The following IL1RAPL2 variants were observed in gnomAD, a reference collection of about 807,000 sequenced individuals.
IL1RAPL2 encodes interleukin 1 receptor accessory protein like 2, also known as X-linked interleukin-1 receptor accessory protein-like 2.
A neutral mutation model predicts 44.1 loss-of-function variants in IL1RAPL2; 3 were observed. That is an observed-to-expected ratio of 0.07 (90% CI 0.03 to 0.18). The LOEUF is 0.18. Ranked by LOEUF, IL1RAPL2 falls within the 10% of genes least tolerant of loss-of-function variation. IL1RAPL2 has a pLI of 1.00. For synonymous variants in IL1RAPL2, 181 were observed against 178.8 expected (o/e 1.01, Z -0.10); for missense variants, 391 against 496.4 (o/e 0.79, Z 2.02).
intron 6 of IL1RAPL2, among the ~76,000 whole-genome samples, chrX:105,505,646 A>T (rs1016903869): frequency 6.3e-5 from 7 of 111,551 alleles, no homozygotes; most frequent in African/African-American, 2.3e-4. Context: ...GAAGATGGAG[A>T]TAGGAGTGGT....
rs752508672 is a variant in IL1RAPL2, at chrX:104,903,700, C to A, written c.82+244705C>A. On this transcript the variant is annotated intron_variant, in intron 2 of 10. Transcript: ENST00000372582. ...TCAAGTGATTCTCCTGCCTCAGCCT[C>A]CCGAGTAGCTGGGACTACAGGCACG... 6.3e-5 allele frequency among the ~76,000 whole-genome samples: 7 copies of A among 110,877 alleles called. No homozygotes were observed. In the East Asian group the frequency reaches 2.0e-3, roughly 31 times the overall value.
intron 4 of IL1RAPL2, among the ~76,000 whole-genome samples, chrX:105,240,361 A>C (rs1291769046): frequency 8.9e-6 from 1 of 112,538 alleles, no homozygotes; most frequent in East Asian, 2.8e-4. Context: ...TATCTATACA[A>C]TTTTGGTATT....
chrX:105,362,497 G>T (rs1055867738), intron 5 of IL1RAPL2, among the ~76,000 whole-genome samples: 1 of 110,678 alleles, frequency 9.0e-6, no homozygotes, highest in Non-Finnish European at 1.9e-5. Context: ...GCCTGAGGGG[G>T]TAGGAAGTTT....
chrX:105,036,719 A>G lies in IL1RAPL2; in HGVS notation c.83-158756A>G, dbSNP rs2031635888. ...AACCCACATGTTCAAGAATTCCCCAAATTTCACGAACGTTACAAACTATAA... is the reference window on the plus strand; with the variant it reads ...AACCCACATGTTCAAGAATTCCCCAGATTTCACGAACGTTACAAACTATAA... On this transcript the variant is annotated intron_variant, in intron 2 of 10. Transcript: ENST00000372582. 2.7e-5 allele frequency among the ~76,000 whole-genome samples: 3 copies of G among 111,800 alleles called. No individual in the cohort carries two copies. In the Admixed American group the frequency reaches 2.9e-4, roughly 11 times the overall value.
At position 105,002,378 on chromosome X, in the gene IL1RAPL2, T is replaced by C. The variant is rs1226850629; in HGVS notation, c.83-193097T>C. On this transcript the variant is annotated intron_variant, in intron 2 of 10. Transcript: ENST00000372582. Reference sequence around the variant, plus strand: ...ATACATATGATGCCTTGAAAGCCCATCCATTTCATAATTTTGGTTTTTGAA... The same window carrying C: ...ATACATATGATGCCTTGAAAGCCCACCCATTTCATAATTTTGGTTTTTGAA... 7.2e-5 allele frequency among the ~76,000 whole-genome samples: 8 copies of C among 111,107 alleles called. 1 individual carries two copies. In the South Asian group the frequency reaches 1.5e-3, roughly 21 times the overall value.
intron 2 of IL1RAPL2, among the ~76,000 whole-genome samples, chrX:104,890,647 C>T (rs1413143635): frequency 1.8e-5 from 2 of 111,648 alleles, no homozygotes; most frequent in African/African-American, 6.5e-5. Flanking sequence ...ATGGGATTGT[C>T]TGTTTTTTTC....
At chrX:104,974,963 C>T (rs1186531293) in intron 2 of IL1RAPL2, among the ~76,000 whole-genome samples, 2 of 112,180 alleles carry the variant, frequency 1.8e-5, no homozygotes, top group Admixed American at 9.4e-5. Flanking sequence ...GCATTCCAGC[C>T]GCTGATCTTG....
At chrX:104,943,616 C>T (rs139814621) in intron 2 of IL1RAPL2, among the ~76,000 whole-genome samples, 1 of 111,173 alleles carries the variant, frequency 9.0e-6, no homozygotes, top group East Asian at 2.9e-4. Flanking sequence ...ATATGATTGC[C>T]CCCACCTCCT....
intron 6 of IL1RAPL2, among the ~76,000 whole-genome samples, chrX:105,681,889 T>C (rs1445011932): frequency 8.9e-6 from 1 of 112,103 alleles, no homozygotes; most frequent in Non-Finnish European, 1.9e-5. Flanking sequence ...GAGACAGTCA[T>C]CCTTTTTTAA....
chrX:105,036,329 A>T (rs770539519), intron 2 of IL1RAPL2, among the ~76,000 whole-genome samples: 10 of 111,803 alleles, frequency 8.9e-5, no homozygotes, highest in Non-Finnish European at 1.5e-4. Flanking sequence ...AATCAAGATC[A>T]TACAGCTAGT....
intron 2 of IL1RAPL2, among the ~76,000 whole-genome samples, chrX:105,182,567 A>AT (rs61583381): frequency 1.8e-5 from 2 of 109,498 alleles, no homozygotes; most frequent in Non-Finnish European, 3.8e-5. Flanking sequence ...TGGGTCATGT[A>AT]TTTTTTTTAT....
intron 2 of IL1RAPL2, among the ~76,000 whole-genome samples, chrX:104,830,017 C>T (rs1289951594): frequency 1.8e-5 from 2 of 111,730 alleles, no homozygotes; most frequent in African/African-American, 6.5e-5. Context: ...TCTGGTCTTC[C>T]TTATTCTAGC....
chrX:104,576,658 T>C lies in IL1RAPL2; in HGVS notation c.-20+9607T>C, dbSNP rs781647805. On this transcript the variant is annotated intron_variant, in intron 1 of 10. Transcript: ENST00000372582. ...TCTAAAATGTACAATTATTTCCCAA[T>C]TGAACCTAATAACTGCTTTATAATA... Among the ~76,000 whole-genome samples the C allele has an allele frequency of 8.0e-5, 9 of 112,205 alleles. No individual in the cohort carries two copies. The South Asian group carries it at 2.6e-3, about 32-fold the overall frequency.
chrX:105,232,912 C>T (rs1026699905), intron 3 of IL1RAPL2, among the ~76,000 whole-genome samples: 1 of 111,751 alleles, frequency 8.9e-6, no homozygotes, highest in African/African-American at 3.3e-5. Flanking sequence ...CAATTAATCC[C>T]AACTGACCAG....
At chrX:104,732,967 G>C (rs1931949244) in intron 2 of IL1RAPL2, among the ~76,000 whole-genome samples, 1 of 111,247 alleles carries the variant, frequency 9.0e-6, no homozygotes, top group East Asian at 2.8e-4. Flanking sequence ...TTTAAGAATG[G>C]TTTAACTTTT....
chrX:105,441,021 T>C (rs910390935), intron 5 of IL1RAPL2, among the ~76,000 whole-genome samples: 2 of 112,093 alleles, frequency 1.8e-5, no homozygotes, highest in Non-Finnish European at 3.8e-5. Context: ...ATTAAACCTC[T>C]TTTTCTTTAG....
At chrX:105,457,340 A>G (rs2036063260) in intron 5 of IL1RAPL2, among the ~76,000 whole-genome samples, 1 of 111,128 alleles carries the variant, frequency 9.0e-6, no homozygotes, top group South Asian at 3.7e-4. Flanking sequence ...CATCACTGCT[A>G]TCTATACCAC....
intron 6 of IL1RAPL2, among the ~76,000 whole-genome samples, chrX:105,659,299 C>G (rs1328370291): frequency 1.8e-5 from 2 of 110,714 alleles, no homozygotes; most frequent in African/African-American, 6.6e-5. Context: ...TTTTTGAATC[C>G]AAGATAACAC....
At chrX:104,730,194 C>T (rs924006983) in intron 2 of IL1RAPL2, among the ~76,000 whole-genome samples, 5 of 111,118 alleles carry the variant, frequency 4.5e-5, no homozygotes, top group African/African-American at 9.8e-5. Context: ...TATTTGAAGA[C>T]TTTTTAAAAA....
Sources: gnomAD v4.1 joint callset for allele counts (sites outside exome capture counted in the v4.1 genomes callset) on GRCh38, gnomAD v4.1.1 for gene constraint, MANE v1.5 for transcripts, NCBI Gene and HGNC (gene_info 2026-07-23, HGNC 2026-07-21) for gene names.